Variants in SCLT1 observed in about 807,000 individuals in gnomAD.
The protein encoded by SCLT1 is sodium channel and clathrin linker 1.
In SCLT1, 78 loss-of-function variants were observed where a neutral mutation model predicts 112.8. The ratio of observed to expected loss-of-function variants is 0.69; its 90% CI spans 0.58 to 0.83. The LOEUF (loss-of-function observed/expected upper bound fraction) is 0.83, where lower values mean the gene tolerates loss of function less well. Among genes scored for constraint, SCLT1 ranks in the 40% least tolerant of loss-of-function variants. The pLI is 0.00. For synonymous variants in SCLT1, 257 were observed against 254.7 expected, an observed-to-expected ratio of 1.01 and a Z score of -0.09; for missense variants, 747 against 770.4, an observed-to-expected ratio of 0.97 and a Z score of 0.36.
chr4:129,040,010 G>T, intron 4 of SCLT1: 1 of 575,358 alleles, frequency 1.7e-6, no homozygotes, highest in Non-Finnish European at 3.1e-6. Flanking sequence ...TATTAGTCTT[G>T]ATTGTGCTTC....
chr4:129,006,729 T>A (rs1420047872), intron 5 of SCLT1, among the ~76,000 whole-genome samples: 1 of 152,102 alleles, frequency 6.6e-6, no homozygotes, highest in African/African-American at 2.4e-5. Context: ...GGAATAGATG[T>A]CCAATCTTGC....
intron 2 of SCLT1, among the ~76,000 whole-genome samples, chr4:129,071,077 G>A (rs1750962629): frequency 6.6e-6 from 1 of 152,114 alleles, no homozygotes; most frequent in Non-Finnish European, 1.5e-5. Flanking sequence ...CCATGTATTT[G>A]CATGGTTTTG....
chr4:129,024,499 G>C (rs916795287), intron 5 of SCLT1, among the ~76,000 whole-genome samples: 2 of 152,224 alleles, frequency 1.3e-5, no homozygotes, highest in Admixed American at 1.3e-4. Flanking sequence ...CTGTCTGTTA[G>C]AAGGAAAACT....
chr4:129,081,509 G>A (rs1320191992), intron 2 of SCLT1, among the ~76,000 whole-genome samples: 1 of 152,192 alleles, frequency 6.6e-6, no homozygotes, highest in Non-Finnish European at 1.5e-5. Context: ...CAATCATGGT[G>A]GAAGATGAAG....
chr4:129,029,185 C>A (rs979820617), intron 5 of SCLT1, among the ~76,000 whole-genome samples: 2 of 151,990 alleles, frequency 1.3e-5, no homozygotes, highest in South Asian at 4.2e-4. Flanking sequence ...GGGTACATAC[C>A]CAGAGGATTA....
At chr4:128,955,097 A>T (rs1739110872) in intron 13 of SCLT1, among the ~76,000 whole-genome samples, 1 of 152,188 alleles carries the variant, frequency 6.6e-6, no homozygotes, top group South Asian at 2.1e-4. Flanking sequence ...CTGATGGTAT[A>T]TCATACGTAA....
chr4:128,897,557 G>A (rs318523), intron 18 of SCLT1, among the ~76,000 whole-genome samples: 75,113 of 146,744 alleles, frequency 0.51, 19,718 homozygotes, highest in African/African-American at 0.61. Flanking sequence ...GGTACCAGCC[G>A]CTGCAAAAAC....
intron 5 of SCLT1, among the ~76,000 whole-genome samples, chr4:129,029,541 G>T (rs57138603): frequency 2.0e-4 from 29 of 148,368 alleles, no homozygotes; most frequent in South Asian, 6.7e-4. Context: ...GTGGAGGGAG[G>T]GGGGAGGGAT....
intron 2 of SCLT1, among the ~76,000 whole-genome samples, chr4:129,051,422 T>G (rs1195817933): frequency 6.6e-6 from 1 of 152,246 alleles, no homozygotes; most frequent in Non-Finnish European, 1.5e-5. Context: ...TTTGTAGTTC[T>G]CCTTGAAGAG....
At chr4:128,883,162 A>G (rs1398018936), downstream of SCLT1, among the ~76,000 whole-genome samples, 27 of 150,680 alleles carry the variant, frequency 1.8e-4, no homozygotes, top group African/African-American at 6.6e-4. Context: ...AACAACAAAA[A>G]AAAAAAAAAA....
At chr4:129,044,960 C>T (rs1169721252) in intron 2 of SCLT1, among the ~76,000 whole-genome samples, 1 of 151,290 alleles carries the variant, frequency 6.6e-6, no homozygotes, top group Admixed American at 6.6e-5. Flanking sequence ...GTATAACAAA[C>T]CCAGAAATAG....
chr4:128,979,135 C>A (rs1485487282), intron 9 of SCLT1, among the ~76,000 whole-genome samples: 3 of 152,074 alleles, frequency 2.0e-5, no homozygotes, highest in African/African-American at 7.2e-5. Flanking sequence ...TGCAACACTG[C>A]AAGGAAGGTA....
intron 18 of SCLT1, among the ~76,000 whole-genome samples, chr4:128,926,197 T>G (rs318562): frequency 0.72 from 110,007 of 151,770 alleles, 40,196 homozygotes; most frequent in African/African-American, 0.81. Flanking sequence ...CTTGTTCATT[T>G]TGAAGCTTGT....
rs555378791 is a variant in SCLT1 at position 129,017,668 on chromosome 4, TAAGC to T, written c.291-13796_291-13793del. Among the ~76,000 whole-genome samples the T allele has an allele frequency of 5.3e-5, 8 of 152,228 alleles. No homozygotes were observed. In the South Asian group the frequency reaches 1.5e-3, roughly 28 times the overall value. On this transcript the variant is annotated intron_variant, in intron 5 of 20. Transcript: ENST00000281142. ...TTCCAGTTGTATTTATTAAAATACA[TAAGC>T]AAGTCAAAATGTAAGAGCCAAAGGA...
chr4:129,022,645 G>A (rs1341651107), intron 5 of SCLT1, among the ~76,000 whole-genome samples: 3 of 152,318 alleles, frequency 2.0e-5, no homozygotes, highest in East Asian at 1.9e-4. Flanking sequence ...ATGGGACTAT[G>A]TGAAAAGACC....
At chr4:128,964,103 A>T (rs534297521) in intron 11 of SCLT1, among the ~76,000 whole-genome samples, 46 of 152,302 alleles carry the variant, frequency 3.0e-4, no homozygotes, top group Admixed American at 9.8e-4. Context: ...AAAGATTTTT[A>T]AAAAAGTACT....
At chr4:129,026,986 C>T (rs1010235847) in intron 5 of SCLT1, among the ~76,000 whole-genome samples, 23 of 152,176 alleles carry the variant, frequency 1.5e-4, no homozygotes, top group Admixed American at 5.2e-4. Context: ...ATACACCCTC[C>T]CAAGACTAAA....
downstream of SCLT1, among the ~76,000 whole-genome samples, chr4:128,881,633 T>C (rs17013894): frequency 0.022 from 3,414 of 152,302 alleles, 109 homozygotes; most frequent in African/African-American, 0.074. Flanking sequence ...ACTAGCTGTG[T>C]TGTCCTCAAT....
In SCLT1 at chr4:129,003,598, C is replaced by T. The variant is rs115282624; in HGVS notation, c.426+143G>A. On this transcript the variant is annotated intron_variant, in intron 6 of 20. Transcript: ENST00000281142. ...GTGAGGGTATTTATTACAAGTGTTG[C>T]TACCTGTAACGATTCTTATAAACTG... The T allele has an allele frequency of 9.0e-4, 565 of 626,980 alleles. 3 individuals carry two copies. The highest frequency in any genetic ancestry group is 8.9e-3 in the African/African-American group (475 of 53,190). 38.8% of individuals were successfully genotyped at this position (626,980 alleles called of 1,614,324 possible).
Sources: gnomAD v4.1 joint callset for allele counts (sites outside exome capture counted in the v4.1 genomes callset) on GRCh38, gnomAD v4.1.1 for gene constraint, MANE v1.5 for transcripts, NCBI Gene and HGNC (gene_info 2026-07-23, HGNC 2026-07-21) for gene names.